PRDM11: variants seen among roughly 807,000 people sequenced by gnomAD.
PRDM11 encodes the protein PR domain-containing protein 11.
In PRDM11, 20 loss-of-function variants were observed where a neutral mutation model predicts 97.8. The ratio of observed to expected loss-of-function variants is 0.20; its 90% CI spans 0.14 to 0.30. The LOEUF (loss-of-function observed/expected upper bound fraction) is 0.30, where lower values mean the gene tolerates loss of function less well. Ranked by LOEUF, PRDM11 falls within the 10% of genes least tolerant of loss-of-function variation. The pLI is 1.00. For missense variants in PRDM11, 1,139 were observed against 1,555.2 expected (o/e 0.73, Z 4.50); for synonymous variants, 599 against 637.7 (o/e 0.94, Z 0.91).
intron 1 of PRDM11, among the ~76,000 whole-genome samples, chr11:45,114,597 T>C (rs572346339): frequency 6.6e-6 from 1 of 151,662 alleles, no homozygotes; most frequent in South Asian, 2.1e-4. Flanking sequence ...CCAAGAAAGA[T>C]AAAAATAAAA....
At chr11:45,161,487 C>T (rs541168255) in intron 1 of PRDM11, among the ~76,000 whole-genome samples, 1 of 152,340 alleles carries the variant, frequency 6.6e-6, no homozygotes, top group South Asian at 2.1e-4. Context: ...TTGCTTGGCA[C>T]AGGTGGCCAG....
chr11:45,123,966 C>G (rs1299646714), intron 1 of PRDM11, among the ~76,000 whole-genome samples: 1 of 146,420 alleles, frequency 6.8e-6, no homozygotes, highest in South Asian at 2.3e-4. Context: ...ATTGATTCTT[C>G]CTACCCATGA....
upstream of PRDM11, among the ~76,000 whole-genome samples, chr11:45,145,353 C>A (rs867855534): frequency 6.6e-6 from 1 of 152,172 alleles, no homozygotes; most frequent in Non-Finnish European, 1.5e-5. Flanking sequence ...CCTCATCACC[C>A]CCACCGCCTC....
chr11:45,112,648 G>T (rs1461266128), intron 1 of PRDM11, among the ~76,000 whole-genome samples: 1 of 152,166 alleles, frequency 6.6e-6, no homozygotes, highest in Admixed American at 6.5e-5. Context: ...GAGTAAGGTG[G>T]TATCTCATTG....
chr11:45,105,999 C>G (rs913815134), intron 1 of PRDM11, among the ~76,000 whole-genome samples: 2 of 152,194 alleles, frequency 1.3e-5, no homozygotes, highest in East Asian at 3.9e-4. Flanking sequence ...TTTTACTTTG[C>G]AAACTCAAAT....
intron 4 of PRDM11, among the ~76,000 whole-genome samples, chr11:45,184,943 A>C (rs1852651310): frequency 6.6e-6 from 1 of 152,218 alleles, no homozygotes; most frequent in East Asian, 1.9e-4. Context: ...ATGGTCTAGA[A>C]GGGGAGCTTG....
At chr11:45,213,225 C>T (rs1853831508) in intron 5 of PRDM11, 4 of 456,436 alleles carry the variant, frequency 8.8e-6, no homozygotes, top group Admixed American at 2.3e-5. Flanking sequence ...TATTCAGACC[C>T]GCACCCTCAT....
intron 4 of PRDM11, among the ~76,000 whole-genome samples, chr11:45,184,133 T>C (rs1852617139): frequency 6.6e-6 from 1 of 152,134 alleles, no homozygotes; most frequent in African/African-American, 2.4e-5. Context: ...GAGAGGTGCA[T>C]CCAGATGCCT....
intron 1 of PRDM11, among the ~76,000 whole-genome samples, chr11:45,171,069 A>G (rs1197221419): frequency 6.6e-6 from 1 of 151,778 alleles, no homozygotes; most frequent in Non-Finnish European, 1.5e-5. Flanking sequence ...ATTGAAGGTT[A>G]TGGGTTTTTT....
At chr11:45,168,619 T>G (rs575017633) in intron 1 of PRDM11, among the ~76,000 whole-genome samples, 46 of 152,258 alleles carry the variant, frequency 3.0e-4, no homozygotes, top group Non-Finnish European at 5.1e-4. Context: ...TCTACCCAGG[T>G]TGGAATCCCA....
intron 1 of PRDM11, among the ~76,000 whole-genome samples, chr11:45,155,682 G>A (rs1851776481): frequency 6.6e-6 from 1 of 151,976 alleles, no homozygotes; most frequent in African/African-American, 2.4e-5. Context: ...TTAGCCTGAG[G>A]GAGGCAGAGG....
intron 4 of PRDM11, among the ~76,000 whole-genome samples, chr11:45,200,165 A>C (rs144301488): frequency 6.6e-6 from 1 of 152,322 alleles, no homozygotes; most frequent in Non-Finnish European, 1.5e-5. Flanking sequence ...AGACAATCCC[A>C]ATTGGTGGGA....
intron 1 of PRDM11, among the ~76,000 whole-genome samples, chr11:45,169,565 T>G (rs544892683): frequency 6.6e-6 from 1 of 152,246 alleles, no homozygotes; most frequent in Admixed American, 6.5e-5. Context: ...CATTTATGCC[T>G]GAGGTTGCAA....
intron 1 of PRDM11, among the ~76,000 whole-genome samples, chr11:45,100,760 G>A (rs571602422): frequency 8.3e-4 from 127 of 152,340 alleles, no homozygotes; most frequent in African/African-American, 2.6e-3. Flanking sequence ...AACAGAAGCC[G>A]CCTTTTATTG....
intron 1 of PRDM11, among the ~76,000 whole-genome samples, chr11:45,131,531 CT>C (rs1191312614): frequency 6.6e-6 from 1 of 152,176 alleles, no homozygotes; most frequent in Admixed American, 6.5e-5. Context: ...AAAATTACCC[CT>C]GAAACCAAAC....
rs543127675 is a variant in PRDM11, at chr11:45,120,781, A to G, written c.96+24880A>G. The stretch of plus-strand genomic sequence containing the variant: ...ACCCAAGACAATAAGTATGTAGGTA[A>G]ACATAAAACAATATTGATTACTTAA... On this transcript the variant is annotated intron_variant, in intron 1 of 6. Coordinates refer to the PRDM11 transcript ENST00000530656. Among the ~76,000 whole-genome samples the G allele has an allele frequency of 1.5e-4, 23 of 152,282 alleles. No homozygotes were observed. In the South Asian group the frequency reaches 4.8e-3, roughly 32 times the overall value.
intron 1 of PRDM11, among the ~76,000 whole-genome samples, chr11:45,116,754 A>G (rs921464067): frequency 2.0e-5 from 3 of 152,262 alleles, no homozygotes; most frequent in Admixed American, 6.5e-5. Context: ...TCACACTTCA[A>G]TAAGAATCAG....
chr11:45,137,548 C>G (rs912240353), intron 1 of PRDM11, among the ~76,000 whole-genome samples: 2 of 152,134 alleles, frequency 1.3e-5, no homozygotes, highest in East Asian at 3.9e-4. Context: ...CCCAAGAGTT[C>G]CAGACCAACC....
At chr11:45,175,049 C>T (rs1376427636) in intron 1 of PRDM11, among the ~76,000 whole-genome samples, 1 of 152,236 alleles carries the variant, frequency 6.6e-6, no homozygotes, top group Non-Finnish European at 1.5e-5. Context: ...CCCATACACC[C>T]TGCCCCCACA....
Sources: allele counts gnomAD v4.1 joint callset (sites outside exome capture counted in the v4.1 genomes callset), GRCh38; gene constraint gnomAD v4.1.1; transcripts MANE v1.5; gene names NCBI Gene and HGNC (gene_info 2026-07-23, HGNC 2026-07-21).